The following MRGPRF variants were observed in gnomAD, a reference collection of about 807,000 sequenced individuals.
MRGPRF encodes the protein mas-related G protein-coupled receptor member F.
Under a neutral mutation model 3.3 loss-of-function variants are expected in MRGPRF, and 2 were observed. The observed-to-expected ratio is 0.61, with a 90% CI of 0.25 to 1.92. The LOEUF (loss-of-function observed/expected upper bound fraction) is 1.92, where lower values mean the gene tolerates loss of function less well. MRGPRF is among the 40% of genes most tolerant of loss of function. MRGPRF has a pLI of 0.16. For missense variants in MRGPRF, 500 were observed against 476.0 expected, an observed-to-expected ratio of 1.05 and a Z score of -0.47; for synonymous variants, 242 against 222.7, an observed-to-expected ratio of 1.09 and a Z score of -0.77.
Position 69,005,217 on chromosome 11 carries a change from T to G in MRGPRF, c.*61A>C. 5 of 1,437,284 alleles carry G rather than the reference T, an allele frequency of 3.5e-6. No homozygotes were observed. The highest frequency in any genetic ancestry group is 4.5e-6 in the Non-Finnish European group (5 of 1,100,310). 89.0% of individuals were successfully genotyped at this position (1,437,284 alleles called of 1,614,324 possible). ...ACTCAGAAGCAGGTGCCCATTCCTG[T>G]CCCAAGGCGAAGGGTCTTGGAGGCC... On this transcript the variant is annotated 3_prime_UTR_variant, in exon 3 of 3. Transcript: ENST00000309099.
chr11:69,010,035 C>A, intron 1 of MRGPRF, 78 bp from the exon 2 acceptor site: 1 of 919,628 alleles, frequency 1.1e-6, no homozygotes. Context: ...CCTAGGCCCC[C>A]AAGGCCTGTG....
upstream of MRGPRF, chr11:69,013,342 G>C (rs757145677): frequency 1.3e-5 from 2 of 152,262 alleles, no homozygotes; most frequent in African/African-American, 2.4e-5. Context: ...AGGGCTGAGC[G>C]GGGATGAGGC....
At position 69,005,297 on chromosome 11, in the gene MRGPRF, G is replaced by C; in HGVS notation, c.1013C>G (p.Pro338Arg). 1 of 1,516,866 alleles carries C rather than the reference G, an allele frequency of 6.6e-7. No homozygotes were observed. The highest frequency in any genetic ancestry group is 8.8e-7 in the Non-Finnish European group (1 of 1,136,876). 94.0% of individuals were successfully genotyped at this position (1,516,866 alleles called of 1,614,324 possible). Residue 338 changes from proline to arginine, a missense_variant, in exon 3 of 3, where the codon CCC becomes CGC. By Grantham distance (103) the Pro-to-Arg change is moderately radical (BLOSUM62 -2). Coordinates refer to ENST00000309099, the MANE Select transcript of MRGPRF (RefSeq NM_145015.5). ...PNTVTMEMQC[P>R]PGNAS Reference sequence around the variant, plus strand: ...GGAGTCTCAGGAGGCGTTCCCCGGGGGACACTGCATCTCCATGGTGACTGT... The same window carrying C: ...GGAGTCTCAGGAGGCGTTCCCCGGGCGACACTGCATCTCCATGGTGACTGT...
chr11:69,008,393 G>T (rs1860529276), intron 2 of MRGPRF, among the ~76,000 whole-genome samples: 1 of 152,210 alleles, frequency 6.6e-6, no homozygotes. Flanking sequence ...CCAAAGGCAA[G>T]GTTATGAAGG....
chr11:69,009,577 T>C (rs1328185043), intron 2 of MRGPRF: 1 of 600,786 alleles, frequency 1.7e-6, no homozygotes, highest in African/African-American at 1.9e-5. Context: ...AACAAGACCT[T>C]GCAAGGATGC....
rs116373331 is a variant in MRGPRF at position 69,008,749 on chromosome 11, G to A, written c.48+1105C>T. On this transcript the variant is annotated intron_variant, in intron 2 of 2. Coordinates refer to ENST00000309099, the MANE Select transcript of MRGPRF (RefSeq NM_145015.5). ...CTCTTCTGGGCTGGGGAACTAGACC[G>A]TAGGATCTGGTGCCCAAACAGGCCC... Among the ~76,000 whole-genome samples the A allele has an allele frequency of 1.0e-3, 157 of 152,316 alleles. 1 individual carries two copies. The highest frequency in any genetic ancestry group is 2.7e-3 in the African/African-American group (112 of 41,566).
In MRGPRF at chr11:69,005,799, A is replaced by T. The variant is rs765564587; in HGVS notation, c.511T>A (p.Ser171Thr). Reference sequence around the variant, plus strand: ...TTGTGCAGGCAGGTGACCAGGAGGGACAGGACCCACAGCAGGGCGCACACC... The same window carrying T: ...TTGTGCAGGCAGGTGACCAGGAGGGTCAGGACCCACAGCAGGGCGCACACC... ...AVVCALLWVLSLLVTCLHNYF... is the reference protein window; with the variant it reads ...AVVCALLWVLTLLVTCLHNYF... Residue 171 changes from serine to threonine, a missense_variant, in exon 3 of 3, where the codon TCC (serine) becomes ACC (threonine). Physicochemically the swap from Ser to Thr is moderately conservative, Grantham distance 58 (BLOSUM62 1). Coordinates refer to ENST00000309099, the MANE Select transcript of MRGPRF (RefSeq NM_145015.5). 17 of 1,537,302 alleles carry T rather than the reference A, an allele frequency of 1.1e-5. 1 individual carries two copies. The South Asian group carries it at 2.1e-4, about 19-fold the overall frequency.
intron 1 of MRGPRF, chr11:69,012,320 C>G (rs1207785046): frequency 1.1e-4 from 16 of 152,092 alleles, no homozygotes; most frequent in Admixed American, 1.0e-3. Flanking sequence ...CCCGACGCCG[C>G]TGGGGCTGTC....
intron 1 of MRGPRF, among the ~76,000 whole-genome samples, chr11:69,010,871 A>G (rs959550715): frequency 6.6e-6 from 1 of 152,040 alleles, no homozygotes; most frequent in Non-Finnish European, 1.5e-5. Flanking sequence ...CGGTCCCCCA[A>G]CCTGAGCTTC....
At chr11:69,012,040 CA>C (rs1860607394) in intron 1 of MRGPRF, among the ~76,000 whole-genome samples, 1 of 152,216 alleles carries the variant, frequency 6.6e-6, no homozygotes, top group Admixed American at 6.5e-5. Context: ...CAGCAGACCC[CA>C]GATGGGCCAT....
At chr11:69,010,692 C>G (rs562110775) in intron 1 of MRGPRF, among the ~76,000 whole-genome samples, 111 of 152,282 alleles carry the variant, frequency 7.3e-4, no homozygotes, top group African/African-American at 2.6e-3. Flanking sequence ...ATTTGTGTTT[C>G]GAGCAGCTGC....
chr11:69,009,397 A>G (rs1860549019), intron 2 of MRGPRF: 1 of 444,342 alleles, frequency 2.3e-6, no homozygotes, highest in East Asian at 3.5e-5. Context: ...TGGGTGACTC[A>G]TGACTAATGG....
At position 69,005,491 on chromosome 11, in the gene MRGPRF, C is replaced by G; in HGVS notation, c.819G>C (p.Glu273Asp). The change falls in exon 3 of 3, where the codon GAG (glutamate) becomes GAC (aspartate). Residue 273 changes from glutamate to aspartate, a missense_variant. Physicochemically the swap from Glu to Asp is conservative, Grantham distance 45. Coordinates refer to ENST00000309099, the MANE Select transcript of MRGPRF (RefSeq NM_145015.5). The part of the protein sequence containing the change: ...WVFQIPAPFP[E>D]YVTDLCICIN... ...TGCAGATGCACAGGTCAGTGACGTA[C>G]TCGGGGAAGGGGGCCGGGATCTGGA... 6.3e-7 allele frequency: 1 copy of G among 1,583,542 alleles called. No individual in the cohort carries two copies. The highest frequency in any genetic ancestry group is 1.7e-4 in the Middle Eastern group (1 of 6,032).
intron 2 of MRGPRF, among the ~76,000 whole-genome samples, chr11:69,007,826 A>T (rs1242176667): frequency 6.6e-6 from 1 of 152,178 alleles, no homozygotes; most frequent in Non-Finnish European, 1.5e-5. Context: ...ATTGTGGGAA[A>T]GTCCAGGGGG....
chr11:69,012,075 G>A (rs1177000089), intron 1 of MRGPRF, among the ~76,000 whole-genome samples: 1 of 152,262 alleles, frequency 6.6e-6, no homozygotes, highest in African/African-American at 2.4e-5. Context: ...TGTGTGACAC[G>A]TGGATGGGGC....
At chr11:69,007,319 T>C (rs1860510076) in intron 2 of MRGPRF, among the ~76,000 whole-genome samples, 1 of 152,158 alleles carries the variant, frequency 6.6e-6, no homozygotes, top group Admixed American at 6.5e-5. Flanking sequence ...GCAATTCTCC[T>C]GCCTCAGGCT....
At chr11:69,006,784 C>T (rs1193931161) in intron 2 of MRGPRF, among the ~76,000 whole-genome samples, 5 of 151,744 alleles carry the variant, frequency 3.3e-5, no homozygotes, top group African/African-American at 4.8e-5. Flanking sequence ...GCACCATGCC[C>T]GGCTAATTTT....
chr11:69,005,619 G>A lies in MRGPRF; in HGVS notation c.691C>T (p.Arg231Cys), dbSNP rs1346735937. 6.4e-7 allele frequency: 1 copy of A among 1,561,180 alleles called. No individual in the cohort carries two copies. Among genetic ancestry groups the A allele is most frequent in the East Asian group, 2.4e-5 (1 of 41,430 alleles). Residue 231 changes from arginine to cysteine, a missense_variant, in exon 3 of 3, where the codon CGC becomes TGC. Coordinates refer to ENST00000309099, the MANE Select transcript of MRGPRF (RefSeq NM_145015.5). ...ILHVECRARR[R>C]QRSAKLNHVI... ...TGGTTGAGCTTGGCAGAGCGCTGGC[G>A]CCGTCGGGCCCGGCACTCCACGTGC...
At position 69,005,709 on chromosome 11, in the gene MRGPRF, G is replaced by A. The variant is rs901753533; in HGVS notation, c.601C>T (p.Leu201=). The change falls in exon 3 of 3, where the codon CTG becomes TTG. Residue 201 remains leucine (L), a synonymous_variant. Coordinates refer to ENST00000309099, the MANE Select transcript of MRGPRF (RefSeq NM_145015.5). ...CAGAGCAGGAACAGGAGGATGCCCA[G>A]GAAGATGTCCATGTGCCTGCAGGCC... ...GAACRHMDIF[L]GILLFLLCCP... is the part of the protein sequence containing the mutation. The A allele has an allele frequency of 1.9e-6, 3 of 1,550,906 alleles. No individual in the cohort carries two copies. The highest frequency in any genetic ancestry group is 2.0e-5 in the Admixed American group (1 of 51,006).
Sources: gnomAD v4.1 joint callset for allele counts (sites outside exome capture counted in the v4.1 genomes callset) on GRCh38, gnomAD v4.1.1 for gene constraint, MANE v1.5 for transcripts, NCBI Gene and HGNC (gene_info 2026-07-23, HGNC 2026-07-21) for gene names.